KCND2: variants seen among roughly 807,000 people sequenced by gnomAD.
KCND2 encodes A-type voltage-gated potassium channel KCND2.
KCND2 carries 16 observed loss-of-function variants against 54.4 expected under a neutral mutation model. That is an observed-to-expected ratio of 0.29 (90% confidence interval 0.20 to 0.45). The LOEUF (loss-of-function observed/expected upper bound fraction) is 0.45, where lower values mean the gene tolerates loss of function less well. KCND2 is among the 20% of genes least tolerant of loss of function. The pLI, the probability that KCND2 is intolerant of heterozygous loss-of-function variation, is 1.00. For synonymous variants in KCND2, 317 were observed against 310.7 expected, an observed-to-expected ratio of 1.02 and a Z score of -0.21; for missense variants, 486 against 824.2, an observed-to-expected ratio of 0.59 and a Z score of 5.02.
intron 1 of KCND2, among the ~76,000 whole-genome samples, chr7:120,576,976 A>G (rs1434299933): frequency 6.6e-6 from 1 of 152,076 alleles, no homozygotes; most frequent in Non-Finnish European, 1.5e-5. Flanking sequence ...GTGAAACTCC[A>G]TCTCTACTAA....
At chr7:120,541,893 C>A (rs1251005582) in intron 1 of KCND2, among the ~76,000 whole-genome samples, 1 of 152,160 alleles carries the variant, frequency 6.6e-6, no homozygotes, top group African/African-American at 2.4e-5. Context: ...ATGTCATATT[C>A]AATCTTCTAT....
At chr7:120,664,127 G>A (rs980311960) in intron 1 of KCND2, among the ~76,000 whole-genome samples, 3 of 152,010 alleles carry the variant, frequency 2.0e-5, no homozygotes, top group African/African-American at 4.8e-5. Flanking sequence ...TTGAATCCTG[G>A]GTGGTTAATC....
chr7:120,618,474 C>G (rs1793056388), intron 1 of KCND2, among the ~76,000 whole-genome samples: 2 of 152,240 alleles, frequency 1.3e-5, no homozygotes, highest in Non-Finnish European at 2.9e-5. Flanking sequence ...TACAACTGCA[C>G]TAACTTTACG....
chr7:120,505,835 C>T (rs1265592221), intron 1 of KCND2, among the ~76,000 whole-genome samples: 1 of 151,748 alleles, frequency 6.6e-6, no homozygotes, highest in Non-Finnish European at 1.5e-5. Context: ...ATTTTACATA[C>T]CATTATGTGG....
intron 1 of KCND2, among the ~76,000 whole-genome samples, chr7:120,661,158 C>A (rs768283575): frequency 2.0e-5 from 3 of 151,922 alleles, no homozygotes; most frequent in Non-Finnish European, 4.4e-5. Flanking sequence ...GTTGACTCTC[C>A]TAATCACCCA....
chr7:120,542,791 A>G (rs1394187986), intron 1 of KCND2, among the ~76,000 whole-genome samples: 1 of 152,132 alleles, frequency 6.6e-6, no homozygotes, highest in Non-Finnish European at 1.5e-5. Context: ...TACCAAAATG[A>G]TGTCTGTTTT....
intron 1 of KCND2, among the ~76,000 whole-genome samples, chr7:120,281,241 T>G (rs1799256634): frequency 6.6e-6 from 1 of 152,114 alleles, no homozygotes; most frequent in South Asian, 2.1e-4. Context: ...TCCTTTAAAG[T>G]TGTGATAATG....
chr7:120,489,763 A>G (rs1427114534), intron 1 of KCND2, among the ~76,000 whole-genome samples: 1 of 152,170 alleles, frequency 6.6e-6, no homozygotes, highest in African/African-American at 2.4e-5. Context: ...GAAGGTACAC[A>G]GAGGCAATAT....
intron 1 of KCND2, among the ~76,000 whole-genome samples, chr7:120,430,284 T>A (rs1249618442): frequency 6.6e-6 from 1 of 152,046 alleles, no homozygotes; most frequent in Non-Finnish European, 1.5e-5. Flanking sequence ...CTCTCCTTCT[T>A]CTTATAAGGA....
intron 1 of KCND2, among the ~76,000 whole-genome samples, chr7:120,397,958 T>G (rs1297501680): frequency 6.8e-6 from 1 of 146,864 alleles, no homozygotes; most frequent in Non-Finnish European, 1.5e-5. Flanking sequence ...CATAACTATA[T>G]GTGTGTGTAT....
intron 1 of KCND2, among the ~76,000 whole-genome samples, chr7:120,617,151 G>C (rs1375926918): frequency 6.6e-6 from 1 of 152,098 alleles, no homozygotes; most frequent in African/African-American, 2.4e-5. Context: ...TATCACCTGG[G>C]AACATTTTGT....
chr7:120,352,504 C>T (rs1800429516), intron 1 of KCND2, among the ~76,000 whole-genome samples: 1 of 147,374 alleles, frequency 6.8e-6, no homozygotes, highest in Admixed American at 6.8e-5. Flanking sequence ...ACACAACATT[C>T]ATGAAACATT....
intron 1 of KCND2, among the ~76,000 whole-genome samples, chr7:120,400,482 G>A (rs1801234630): frequency 6.6e-6 from 1 of 152,144 alleles, no homozygotes; most frequent in Admixed American, 6.6e-5. Flanking sequence ...TTTCCCACTG[G>A]AAGGTAATAC....
chr7:120,274,556 A>T lies in KCND2; in HGVS notation c.-77A>T. The T allele has an allele frequency of 1.3e-6, 2 of 1,540,334 alleles. No homozygotes were observed. ...CACTAGTACTTTGCTTGACTGGAGG[A>T]AGTGGGTGACTTTTGGCTGCTTCGG... On this transcript the variant is annotated 5_prime_UTR_variant, in exon 1 of 6. Coordinates refer to ENST00000331113, the MANE Select transcript of KCND2 (RefSeq NM_012281.3).
At chr7:120,631,828 TATACAA>T (rs1793237546) in intron 1 of KCND2, among the ~76,000 whole-genome samples, 1 of 152,148 alleles carries the variant, frequency 6.6e-6, no homozygotes. Context: ...TATTCTTCAT[TATACAA>T]ATGTACAGAC....
chr7:120,358,591 A>G lies in KCND2; in HGVS notation c.1115+82844A>G, dbSNP rs1320818663. On this transcript the variant is annotated intron_variant, in intron 1 of 5. Coordinates refer to ENST00000331113, the MANE Select transcript of KCND2 (RefSeq NM_012281.3). ...CAGCTTAATATCAGCAATATTGCTGATACTGCTAATGTACAGAAAATACCT... is the reference window on the plus strand; with the variant it reads ...CAGCTTAATATCAGCAATATTGCTGGTACTGCTAATGTACAGAAAATACCT... Among the ~76,000 whole-genome samples, 3 of 151,998 alleles carry G rather than the reference A, an allele frequency of 2.0e-5. No individual in the cohort carries two copies. In the East Asian group the frequency reaches 5.8e-4, roughly 29 times the overall value.
chr7:120,608,913 A>T (rs774266059), intron 1 of KCND2, among the ~76,000 whole-genome samples: 11 of 152,136 alleles, frequency 7.2e-5, no homozygotes, highest in Non-Finnish European at 1.0e-4. Flanking sequence ...AGCAAAATAA[A>T]ACACACCAAG....
Position 120,351,406 on chromosome 7 carries a change from ACACACACT to A in KCND2, c.1115+75661_1115+75668del, listed in dbSNP as rs1193348773. 2.5e-3 allele frequency among the ~76,000 whole-genome samples: 311 copies of A among 123,464 alleles called. 2 individuals carry two copies. The highest frequency in any genetic ancestry group is 6.7e-3 in the African/African-American group (199 of 29,830). The allele number at this position is 123,464 out of a possible 152,430, so 81.0% of individuals were successfully genotyped here. ...CACACACACACACACACACACACACACACACACTCTCTCTCTCTCTCTCTCTCTCACAT... is the reference window on the plus strand; with the variant it reads ...CACACACACACACACACACACACACACTCTCTCTCTCTCTCTCTCTCACAT... On this transcript the variant is annotated intron_variant, in intron 1 of 5. Transcript: ENST00000331113.
At chr7:120,321,104 T>C (rs1344998902) in intron 1 of KCND2, among the ~76,000 whole-genome samples, 1 of 152,124 alleles carries the variant, frequency 6.6e-6, no homozygotes, top group Non-Finnish European at 1.5e-5. Context: ...CCATTCAAGA[T>C]ATTTTTGTAG....
Sources: gnomAD v4.1 joint callset for allele counts (sites outside exome capture counted in the v4.1 genomes callset) on GRCh38, gnomAD v4.1.1 for gene constraint, MANE v1.5 for transcripts, NCBI Gene and HGNC (gene_info 2026-07-23, HGNC 2026-07-21) for gene names.